Variants in FLT3 observed in about 807,000 individuals in gnomAD.
FLT3 encodes the protein fms related receptor tyrosine kinase 3.
In FLT3, 46 loss-of-function variants were observed where a neutral mutation model predicts 126.6. The ratio of observed to expected loss-of-function variants is 0.36; its 90% CI spans 0.29 to 0.46. The LOEUF is 0.46. FLT3 is among the 20% of genes least tolerant of loss of function. FLT3 has a pLI of 1.00. For synonymous variants in FLT3, 404 were observed against 434.4 expected, an observed-to-expected ratio of 0.93 and a Z score of 0.87; for missense variants, 1,069 against 1,190.3, an observed-to-expected ratio of 0.90 and a Z score of 1.50.
At chr13:28,098,314 C>CAAAAA (rs55675449) in intron 1 of FLT3, among the ~76,000 whole-genome samples, 5 of 85,282 alleles carry the variant, frequency 5.9e-5, no homozygotes, top group African/African-American at 2.0e-4. Context: ...GACTCCGTCT[C>CAAAAA]AAAAAAAAAA....
intron 2 of FLT3, among the ~76,000 whole-genome samples, chr13:28,063,947 A>T (rs959533518): frequency 6.6e-6 from 1 of 152,142 alleles, no homozygotes; most frequent in Admixed American, 6.6e-5. Context: ...ATTGAGCTGG[A>T]TCATAAAAGA....
intron 23 of FLT3, among the ~76,000 whole-genome samples, chr13:28,006,380 T>C (rs1312200479): frequency 6.6e-6 from 1 of 151,818 alleles, no homozygotes; most frequent in East Asian, 1.9e-4. Context: ...GAACCAGGTG[T>C]TGCACAATGA....
Position 28,015,598 on chromosome 13 carries a change from A to G in FLT3, c.2645T>C (p.Phe882Ser). ...WSYGILLWEI[F>S]SLGVNPYPGI... ...GCAGCTGCCCAACTTACCAAGTGAG[A>G]AGATTTCCCACAGTAATATTCCATA... Residue 882 changes from phenylalanine (F) to serine (S), a missense_variant, in exon 21 of 24, where the codon TTC becomes TCC. Phe to Ser is a radical substitution (Grantham distance 155). Transcript: ENST00000241453. 6.2e-7 allele frequency: 1 copy of G among 1,604,808 alleles called. No homozygotes were observed.
chr13:28,042,156 A>AATC (rs1874441824), intron 9 of FLT3, among the ~76,000 whole-genome samples: 1 of 108,326 alleles, frequency 9.2e-6, no homozygotes, highest in African/African-American at 5.0e-5. Flanking sequence ...AAATAATAAT[A>AATC]ATAATAATAA....
intron 23 of FLT3, among the ~76,000 whole-genome samples, chr13:28,005,840 G>A (rs184597920): frequency 1.6e-3 from 251 of 152,316 alleles, no homozygotes; most frequent in African/African-American, 5.5e-3. Flanking sequence ...TGCTGAGCAA[G>A]AAGTTCTATC....
chr13:28,013,624 A>G (rs1328049178), intron 23 of FLT3, among the ~76,000 whole-genome samples: 1 of 152,208 alleles, frequency 6.6e-6, no homozygotes, highest in Non-Finnish European at 1.5e-5. Flanking sequence ...AGCTCAAAAG[A>G]TAATCTAACT....
chr13:28,032,491 T>G (rs1357467515), intron 15 of FLT3, among the ~76,000 whole-genome samples: 1 of 151,938 alleles, frequency 6.6e-6, no homozygotes. Context: ...ATGCCTGTAG[T>G]CCCCCCTACT....
At chr13:28,056,862 G>T (rs1876053120) in intron 4 of FLT3, among the ~76,000 whole-genome samples, 1 of 152,198 alleles carries the variant, frequency 6.6e-6, no homozygotes, top group African/African-American at 2.4e-5. Context: ...GTATTGGAAA[G>T]AACAGACAAG....
rs1298657347 is a variant in FLT3 at position 28,061,923 on chromosome 13, G to C, written c.312C>G (p.Leu104=). ...TCAGGGAGCTGTGCTTAAAGACCCA[G>C]AGACAGGAAATGTTCCCTGGGGCGT... ...LVDAPGNISC[L]WVFKHSSLNC... Residue 104 remains leucine (L), a synonymous_variant, in exon 3 of 24, where the codon CTC becomes CTG. Transcript: ENST00000241453. 1.2e-6 allele frequency: 2 copies of C among 1,614,130 alleles called. No homozygotes were observed. Among genetic ancestry groups the C allele is most frequent in the Non-Finnish European group, 1.7e-6 (2 of 1,180,012 alleles).
chr13:28,057,514 A>T (rs755788921), intron 3 of FLT3, 52 bp from the exon 4 acceptor site: 2 of 904,468 alleles, frequency 2.2e-6, no homozygotes, highest in South Asian at 2.6e-5. Context: ...TGAAACTAAA[A>T]ACAAAATTTC....
intron 1 of FLT3, chr13:28,073,347 C>T (rs773809653): frequency 2.7e-5 from 8 of 296,164 alleles, no homozygotes; most frequent in South Asian, 1.1e-4. Context: ...GAGACCTCAT[C>T]TCTGGAAAAA....
chr13:28,083,677 A>G (rs539923099), intron 1 of FLT3, among the ~76,000 whole-genome samples: 35 of 152,302 alleles, frequency 2.3e-4, no homozygotes, highest in African/African-American at 8.4e-4. Flanking sequence ...GTAGAGCATT[A>G]TTTAGCTTAT....
Position 28,049,449 on chromosome 13 carries a change from T to C in FLT3, c.971A>G (p.Asp324Gly), listed in dbSNP as rs1402405285. 12 of 1,613,244 alleles carry C rather than the reference T, an allele frequency of 7.4e-6. No homozygotes were observed. Among genetic ancestry groups the C allele is most frequent in the South Asian group, 6.6e-5 (6 of 90,980 alleles). Residue 324 changes from aspartate to glycine, a missense_variant, in exon 8 of 24, where the codon GAC becomes GGC. Transcript: ENST00000241453. ...AGAGGAACAAGTGTAGTATCCGGTGTCGTTTCTTGCCACTGATGATACAAA... is the reference window on the plus strand; with the variant it reads ...AGAGGAACAAGTGTAGTATCCGGTGCCGTTTCTTGCCACTGATGATACAAA... ...FAFVSSVARN[D>G]TGYYTCSSSK...
Position 28,070,537 on chromosome 13 carries a change from T to C in FLT3, c.119A>G (p.His40Arg), listed in dbSNP as rs775176653. Residue 40 changes from histidine to arginine, a missense_variant, in exon 2 of 24, where the codon CAT becomes CGT. Coordinates refer to ENST00000241453, the MANE Select transcript of FLT3 (RefSeq NM_004119.3). ...CCCCACTGATGAATCATTGTTCTTA[T>C]GATTGATTAAAACACACTTGATCAC... ...LPVIKCVLINHKNNDSSVGKS... is the reference protein window; with the variant it reads ...LPVIKCVLINRKNNDSSVGKS... 4 of 1,607,986 alleles carry C rather than the reference T, an allele frequency of 2.5e-6. No homozygotes were observed. The highest frequency in any genetic ancestry group is 1.1e-5 in the South Asian group (1 of 90,944).
intron 1 of FLT3, among the ~76,000 whole-genome samples, chr13:28,099,407 T>C (rs931744473): frequency 6.6e-6 from 1 of 152,258 alleles, no homozygotes; most frequent in Non-Finnish European, 1.5e-5. Context: ...TTCCATTTTT[T>C]ACTTTTTATA....
chr13:28,013,659 A>T (rs1871585830), intron 23 of FLT3, among the ~76,000 whole-genome samples: 1 of 152,236 alleles, frequency 6.6e-6, no homozygotes. Context: ...ACAGGTGAGA[A>T]AACTGATGCT....
intron 5 of FLT3, among the ~76,000 whole-genome samples, chr13:28,051,329 C>T (rs550737066): frequency 2.6e-5 from 4 of 151,592 alleles, no homozygotes; most frequent in African/African-American, 4.8e-5. Flanking sequence ...CTCCGCCTCC[C>T]GGGTTCAAGC....
At position 28,015,715 on chromosome 13, in the gene FLT3, A is replaced by C; in HGVS notation, c.2542-14T>G. On this transcript the variant is annotated splice_polypyrimidine_tract_variant and intron_variant, in intron 20 of 23. Transcript: ENST00000241453. The stretch of plus-strand genomic sequence containing the variant: ...AGGCAGACGGGCCTGTGGAAAACCC[A>C]GAGGAGATAAGATGGTGAATTTTCC... 6.6e-7 allele frequency: 1 copy of C among 1,504,820 alleles called. No individual in the cohort carries two copies. Among genetic ancestry groups the C allele is most frequent in the Non-Finnish European group, 9.2e-7 (1 of 1,083,114 alleles). 93.2% of individuals were successfully genotyped at this position (1,504,820 alleles called of 1,614,324 possible).
chr13:28,091,930 C>T (rs1396183752), intron 1 of FLT3, among the ~76,000 whole-genome samples: 1 of 151,994 alleles, frequency 6.6e-6, no homozygotes, highest in African/African-American at 2.4e-5. Context: ...ATTAGCCAGG[C>T]GTGGTGGACA....
Sources: gnomAD v4.1 joint callset for allele counts (sites outside exome capture counted in the v4.1 genomes callset) on GRCh38, gnomAD v4.1.1 for gene constraint, MANE v1.5 for transcripts, NCBI Gene and HGNC (gene_info 2026-07-23, HGNC 2026-07-21) for gene names.